SETD4: variants seen among roughly 807,000 people sequenced by gnomAD.
SETD4 encodes the protein SET domain containing 4.
A neutral mutation model predicts 58.3 loss-of-function variants in SETD4; 46 were observed. That is an observed-to-expected ratio of 0.79 (90% confidence interval 0.62 to 1.01). The LOEUF is 1.01. Among genes scored for constraint, SETD4 ranks in the 50% least tolerant of loss-of-function variants. The pLI, the probability that SETD4 is intolerant of heterozygous loss-of-function variation, is 0.00. For missense variants in SETD4, 490 were observed against 523.3 expected (o/e 0.94, Z 0.62); for synonymous variants, 190 against 202.6 (o/e 0.94, Z 0.53).
chr21:36,055,729 G>A (rs1227851383), intron 3 of SETD4, among the ~76,000 whole-genome samples: 2 of 152,172 alleles, frequency 1.3e-5, no homozygotes, highest in African/African-American at 2.4e-5. Flanking sequence ...TGCATCACCC[G>A]AAATCTGGGG....
At chr21:36,036,834 G>A (rs2063803423) in intron 10 of SETD4, among the ~76,000 whole-genome samples, 1 of 152,222 alleles carries the variant, frequency 6.6e-6, no homozygotes, top group Admixed American at 6.5e-5. Context: ...ACCCAGTGAA[G>A]TACATTCAGC....
intron 1 of SETD4, chr21:36,059,892 T>G: frequency 1.0e-6 from 1 of 985,346 alleles, no homozygotes; most frequent in Non-Finnish European, 1.2e-6. Flanking sequence ...CAGCGCTCAG[T>G]CCACAGACCG....
intron 4 of SETD4, chr21:36,050,586 G>C (rs2064619381): frequency 6.2e-7 from 1 of 1,613,848 alleles, no homozygotes; most frequent in African/African-American, 1.3e-5. Flanking sequence ...AGAGTTGGCT[G>C]GCCATGGTGT....
chr21:36,057,976 A>T (rs2123787066), intron 2 of SETD4, among the ~76,000 whole-genome samples: 1 of 152,354 alleles, frequency 6.6e-6, no homozygotes, highest in African/African-American at 2.4e-5. Context: ...GCACTTTTGT[A>T]TTGAACAAGA....
intron 2 of SETD4, 112 bp downstream of exon 2, chr21:36,058,704 C>A (rs745929352): frequency 1.1e-5 from 14 of 1,254,502 alleles, no homozygotes; most frequent in Non-Finnish European, 1.5e-5. Flanking sequence ...GGTGACAGAG[C>A]GAGAATCCGT....
intron 7 of SETD4, chr21:36,042,743 GT>G (rs1434329517): frequency 6.6e-6 from 1 of 152,110 alleles, no homozygotes; most frequent in Non-Finnish European, 1.5e-5. Context: ...AGTCTTCTAT[GT>G]ACTTTTTTAA....
rs780145705 is a variant in SETD4, at chr21:36,058,821, C to T, written c.68G>A (p.Arg23Lys). 6 of 1,600,460 alleles carry T rather than the reference C, an allele frequency of 3.7e-6. No individual in the cohort carries two copies. Among genetic ancestry groups the T allele is most frequent in the Admixed American group, 1.8e-5 (1 of 57,050 alleles). The change falls in exon 2 of 12, where the codon AGA (arginine) becomes AAA (lysine). Residue 23 changes from arginine (R) to lysine (K), a missense_variant. Transcript: ENST00000332131. ...TACTAAAAGAAAAACCATACCTCCTCTTGATTCAGAACTTCCGCAGAGTTT... is the reference window on the plus strand; with the variant it reads ...TACTAAAAGAAAAACCATACCTCCTTTTGATTCAGAACTTCCGCAGAGTTT... Reference protein sequence around the residue: ...RRKLCGSSESRGVNESHKSEF... With the variant: ...RRKLCGSSESKGVNESHKSEF...
At chr21:36,057,033 A>C in intron 3 of SETD4, 76 bp downstream of exon 3, 1 of 1,157,562 alleles carries the variant, frequency 8.6e-7, no homozygotes, top group South Asian at 1.2e-5. Flanking sequence ...GCTGAGGCCC[A>C]CCTGCAAGAG....
intron 4 of SETD4, chr21:36,051,295 G>A (rs1601260201): frequency 5.7e-6 from 9 of 1,591,248 alleles, no homozygotes; most frequent in African/African-American, 4.0e-5. Flanking sequence ...AGCATGGAGC[G>A]AGAGCTGCTC....
At chr21:36,040,052 G>T (rs886111559) in intron 9 of SETD4, among the ~76,000 whole-genome samples, 1 of 152,252 alleles carries the variant, frequency 6.6e-6, no homozygotes, top group East Asian at 1.9e-4. Flanking sequence ...TGTGTCGACA[G>T]GGGGCTGCAG....
rs768979083 is a variant in SETD4, at chr21:36,036,110, G to A, written c.*7C>T. On this transcript the variant is annotated 3_prime_UTR_variant, in exon 11 of 12. Coordinates refer to ENST00000332131, the MANE Select transcript of SETD4 (RefSeq NM_017438.5). ...CAGAGGAGGTGACCAAATGCGCTTCGGTGAAATCAGGTAAAAGCTGTTTGC... is the reference window on the plus strand; with the variant it reads ...CAGAGGAGGTGACCAAATGCGCTTCAGTGAAATCAGGTAAAAGCTGTTTGC... The A allele has an allele frequency of 5.5e-5, 89 of 1,613,992 alleles. No individual in the cohort carries two copies. Among genetic ancestry groups the A allele is most frequent in the Admixed American group, 1.0e-4 (6 of 59,990 alleles).
At chr21:36,059,488 G>A (rs2065171213) in intron 1 of SETD4, 1 of 155,370 alleles carries the variant, frequency 6.4e-6, no homozygotes, top group African/African-American at 2.4e-5. Context: ...AGGAGTTCAA[G>A]ACCAGCCTGG....
At chr21:36,044,254 G>A (rs2064199877) in intron 6 of SETD4, among the ~76,000 whole-genome samples, 1 of 152,208 alleles carries the variant, frequency 6.6e-6, no homozygotes, top group Non-Finnish European at 1.5e-5. Context: ...CAGGGAAGGA[G>A]GACATGGTGG....
intron 5 of SETD4, among the ~76,000 whole-genome samples, chr21:36,048,053 A>AAGAGAGGG (rs1568923737): frequency 9.8e-5 from 12 of 122,674 alleles, no homozygotes; most frequent in Admixed American, 3.2e-4. Context: ...GGAAGGAAGG[A>AAGAGAGGG]AGAGAGGGAG....
intron 4 of SETD4, 43 bp downstream of exon 4, chr21:36,053,540 C>T (rs1300247003): frequency 6.2e-7 from 1 of 1,609,644 alleles, no homozygotes; most frequent in African/African-American, 1.3e-5. Flanking sequence ...AACAAAGCAG[C>T]AAAATCTACA....
intron 5 of SETD4, among the ~76,000 whole-genome samples, chr21:36,046,403 G>A (rs2064332646): frequency 6.6e-6 from 1 of 152,222 alleles, no homozygotes; most frequent in African/African-American, 2.4e-5. Flanking sequence ...ATGGTGGAAA[G>A]AACTGAGACC....
intron 8 of SETD4, among the ~76,000 whole-genome samples, chr21:36,041,448 C>T (rs1326365526): frequency 6.6e-6 from 1 of 152,208 alleles, no homozygotes; most frequent in Non-Finnish European, 1.5e-5. Context: ...AGAGCCTGCA[C>T]CATGTTGCCA....
At chr21:36,057,481 A>T in intron 2 of SETD4, 6 of 165,474 alleles carry the variant, frequency 3.6e-5, no homozygotes. Flanking sequence ...CCCATCTCTT[A>T]AAAAAAAAAA....
chr21:36,054,656 C>A (rs915672132), intron 3 of SETD4, among the ~76,000 whole-genome samples: 2 of 151,638 alleles, frequency 1.3e-5, no homozygotes, highest in African/African-American at 4.9e-5. Flanking sequence ...ATGCTCCTGG[C>A]TCATGGTGGG....
Sources: gnomAD v4.1 joint callset for allele counts (sites outside exome capture counted in the v4.1 genomes callset) on GRCh38, gnomAD v4.1.1 for gene constraint, MANE v1.5 for transcripts, NCBI Gene and HGNC (gene_info 2026-07-23, HGNC 2026-07-21) for gene names.